CCDC85A: variants seen among roughly 807,000 people sequenced by gnomAD.
CCDC85A encodes the protein coiled-coil domain containing 85A.
In CCDC85A, 38 loss-of-function variants were observed where a neutral mutation model predicts 50.2. The ratio of observed to expected loss-of-function variants is 0.76; its 90% CI spans 0.58 to 0.99. The LOEUF (loss-of-function observed/expected upper bound fraction) is 0.99. CCDC85A is among the 50% of genes least tolerant of loss of function. CCDC85A has a pLI of 0.00. For missense variants in CCDC85A, 820 were observed against 742.0 expected, an observed-to-expected ratio of 1.11 and a Z score of -1.22; for synonymous variants, 366 against 301.4, an observed-to-expected ratio of 1.21 and a Z score of -2.22.
chr2:56,317,342 C>T (rs996695088), intron 2 of CCDC85A, among the ~76,000 whole-genome samples: 3 of 152,088 alleles, frequency 2.0e-5, no homozygotes, highest in Non-Finnish European at 2.9e-5. Flanking sequence ...GGAACACGCT[C>T]ACCCTTGTAT....
intron 2 of CCDC85A, among the ~76,000 whole-genome samples, chr2:56,261,545 C>T (rs1002415331): frequency 4.6e-5 from 7 of 152,212 alleles, no homozygotes; most frequent in African/African-American, 1.7e-4. Context: ...TTACTTACTT[C>T]CATTTACCTG....
At chr2:56,197,637 G>A (rs745975531) in intron 2 of CCDC85A, among the ~76,000 whole-genome samples, 2 of 152,162 alleles carry the variant, frequency 1.3e-5, no homozygotes, top group African/African-American at 2.4e-5. Flanking sequence ...AGATGGGTTG[G>A]TGTGAGTGAA....
chr2:56,199,503 G>A (rs984933121), intron 2 of CCDC85A, among the ~76,000 whole-genome samples: 1 of 152,082 alleles, frequency 6.6e-6, no homozygotes, highest in African/African-American at 2.4e-5. Flanking sequence ...TAGGCTCTAC[G>A]ACTTACTTTT....
chr2:56,356,485 T>C (rs900859571), intron 3 of CCDC85A, among the ~76,000 whole-genome samples: 1 of 152,160 alleles, frequency 6.6e-6, no homozygotes, highest in African/African-American at 2.4e-5. Flanking sequence ...AAAAAGACTT[T>C]GGCTGTGATA....
Position 56,242,714 on chromosome 2 carries a change from T to G in CCDC85A, c.1240+49274T>G, listed in dbSNP as rs534793176. ...AAATATTTTCTCCCATTCTACAGAT[T>G]GTCTTTTCATTTTGTTGATTGTTTC... is the stretch of plus-strand genomic sequence containing the variant. On this transcript the variant is annotated intron_variant, in intron 2 of 5. Transcript: ENST00000407595. Among the ~76,000 whole-genome samples, 13 of 152,300 alleles carry G rather than the reference T, an allele frequency of 8.5e-5. No homozygotes were observed. In the East Asian group the frequency reaches 2.5e-3, roughly 29 times the overall value.
intron 3 of CCDC85A, among the ~76,000 whole-genome samples, chr2:56,344,503 A>C (rs911491598): frequency 5.9e-5 from 9 of 152,324 alleles, no homozygotes; most frequent in Admixed American, 2.6e-4. Flanking sequence ...GACTACAAGT[A>C]ACAGAAACTG....
At chr2:56,261,229 C>T (rs1670204574) in intron 2 of CCDC85A, among the ~76,000 whole-genome samples, 2 of 152,108 alleles carry the variant, frequency 1.3e-5, no homozygotes, top group Non-Finnish European at 2.9e-5. Context: ...ACCATAATGC[C>T]ATTCTTATAG....
At chr2:56,221,789 T>G (rs527523340) in intron 2 of CCDC85A, among the ~76,000 whole-genome samples, 23 of 152,252 alleles carry the variant, frequency 1.5e-4, no homozygotes, top group African/African-American at 5.3e-4. Flanking sequence ...AATTTTTAAG[T>G]GTTTTTAATT....
rs118138487 is a variant in CCDC85A, at chr2:56,240,628, G to C, written c.1240+47188G>C. Among the ~76,000 whole-genome samples the C allele has an allele frequency of 1.0e-3, 152 of 152,112 alleles. 2 individuals are homozygous for C. In the East Asian group the frequency reaches 0.027, roughly 27 times the overall value. On this transcript the variant is annotated intron_variant, in intron 2 of 5. Coordinates refer to ENST00000407595, the MANE Select transcript of CCDC85A (RefSeq NM_001080433.2). ...CCTATTCTGGACATATCATACAAATGGACTCGTGCAATATTATGTGGGCCT... is the reference window on the plus strand; with the variant it reads ...CCTATTCTGGACATATCATACAAATCGACTCGTGCAATATTATGTGGGCCT...
intron 3 of CCDC85A, among the ~76,000 whole-genome samples, chr2:56,351,365 C>T (rs1212543374): frequency 1.3e-5 from 2 of 148,460 alleles, no homozygotes; most frequent in African/African-American, 5.0e-5. Context: ...GGGTATATAC[C>T]CAGTAATGGG....
intron 2 of CCDC85A, among the ~76,000 whole-genome samples, chr2:56,279,437 A>G (rs1671107333): frequency 6.6e-6 from 1 of 150,928 alleles, no homozygotes; most frequent in Non-Finnish European, 1.5e-5. Flanking sequence ...CCCACCACCT[A>G]TTTCTCCCCT....
chr2:56,300,177 G>A (rs545655632), intron 2 of CCDC85A, among the ~76,000 whole-genome samples: 1 of 149,278 alleles, frequency 6.7e-6, no homozygotes, highest in Non-Finnish European at 1.5e-5. Context: ...CTTAGACACT[G>A]GGGGAGTAAG....
At chr2:56,262,938 C>A (rs1304029201) in intron 2 of CCDC85A, among the ~76,000 whole-genome samples, 2 of 152,096 alleles carry the variant, frequency 1.3e-5, no homozygotes, top group Non-Finnish European at 1.5e-5. Context: ...GCTTCAATTC[C>A]ATTGCTTCAA....
intron 2 of CCDC85A, among the ~76,000 whole-genome samples, chr2:56,249,001 C>A (rs1173270292): frequency 6.6e-6 from 1 of 152,214 alleles, no homozygotes; most frequent in African/African-American, 2.4e-5. Context: ...TAGGGCGGGA[C>A]TGTGACCTTC....
intron 2 of CCDC85A, among the ~76,000 whole-genome samples, chr2:56,272,530 A>G (rs976899995): frequency 3.3e-5 from 5 of 152,152 alleles, no homozygotes; most frequent in South Asian, 4.1e-4. Flanking sequence ...TTCTTTTCTT[A>G]TAGAATAACT....
Position 56,303,835 on chromosome 2 carries a change from T to C in CCDC85A, c.1241-39044T>C, listed in dbSNP as rs114429373. On this transcript the variant is annotated intron_variant, in intron 2 of 5. Transcript: ENST00000407595. ...GACTGTTATGTTCTGGCATCGTTAA[T>C]GGACAAGCAATATGTTGGTTGATGT... Among the ~76,000 whole-genome samples, 1,106 of 152,256 alleles carry C rather than the reference T, an allele frequency of 7.3e-3. 13 individuals are homozygous for C. The highest frequency in any genetic ancestry group is 0.026 in the African/African-American group (1,064 of 41,558).
chr2:56,192,286 A>G lies in CCDC85A; in HGVS notation c.277-191A>G, dbSNP rs1676330314. ...AATGCAAGTAAAGTATTGTGCAGGG[A>G]TAGAACTGATACTTAAGTTAGTTTA... On this transcript the variant is annotated intron_variant, in intron 1 of 5. Coordinates refer to ENST00000407595, the MANE Select transcript of CCDC85A (RefSeq NM_001080433.2). The surrounding 1 kb of genome is among the most constrained non-coding windows in gnomAD (Gnocchi z 4.7). 6.6e-6 allele frequency among the ~76,000 whole-genome samples: 1 copy of G among 152,182 alleles called. No homozygotes were observed. The highest frequency in any genetic ancestry group is 2.4e-5 in the African/African-American group (1 of 41,432).
At chr2:56,371,931 A>G (rs1016863227) in intron 3 of CCDC85A, among the ~76,000 whole-genome samples, 1 of 152,192 alleles carries the variant, frequency 6.6e-6, no homozygotes, top group African/African-American at 2.4e-5. Context: ...AAAAGGGCAT[A>G]GTGCTCCCAA....
At chr2:56,204,630 C>T (rs565465721) in intron 2 of CCDC85A, among the ~76,000 whole-genome samples, 42 of 152,310 alleles carry the variant, frequency 2.8e-4, no homozygotes, top group African/African-American at 9.4e-4. Flanking sequence ...TTCTCCCTAC[C>T]TGCCACTCAC....
Sources: allele counts gnomAD v4.1 joint callset (sites outside exome capture counted in the v4.1 genomes callset), GRCh38; gene constraint gnomAD v4.1.1; non-coding constraint Gnocchi (gnomAD v3.1); transcripts MANE v1.5; gene names NCBI Gene and HGNC (gene_info 2026-07-23, HGNC 2026-07-21).